KIF26B: variants seen among roughly 807,000 people sequenced by gnomAD.
The protein encoded by KIF26B is kinesin family member 26B, also known as kinesin-like protein KIF26B.
KIF26B carries 63 observed loss-of-function variants against 151.2 expected under a neutral mutation model. The ratio of observed to expected loss-of-function variants is 0.42; its 90% confidence interval spans 0.34 to 0.51. KIF26B has a LOEUF of 0.51. Among genes scored for constraint, KIF26B ranks in the 20% least tolerant of loss-of-function variants. The pLI is 0.07. For missense variants in KIF26B, 2,813 were observed against 2,913.6 expected (o/e 0.97, Z 0.79); for synonymous variants, 1,357 against 1,262.1 (o/e 1.08, Z -1.59).
In KIF26B at chr1:245,360,905, T is replaced by C. The variant is rs532597308; in HGVS notation, c.466-5929T>C. Reference sequence around the variant, plus strand: ...GGTGAACGCCTGTAGTCCCATCCACTTGGGAGGCTGAGGCAAGAGAATTGC... The same window carrying C: ...GGTGAACGCCTGTAGTCCCATCCACCTGGGAGGCTGAGGCAAGAGAATTGC... On this transcript the variant is annotated intron_variant, in intron 2 of 14. Coordinates refer to ENST00000407071, the MANE Select transcript of KIF26B (RefSeq NM_018012.4). 5.3e-5 allele frequency among the ~76,000 whole-genome samples: 8 copies of C among 152,172 alleles called. No individual in the cohort carries two copies. The South Asian group carries it at 1.7e-3, about 32-fold the overall frequency.
Position 245,540,821 on chromosome 1 carries a change from T to G in KIF26B, c.1221T>G (p.Thr407=). The G allele has an allele frequency of 6.2e-7, 1 of 1,614,026 alleles. No individual in the cohort carries two copies. The highest frequency in any genetic ancestry group is 8.5e-7 in the Non-Finnish European group (1 of 1,179,906). Residue 407 remains threonine (T), a synonymous_variant, in exon 5 of 15, where the codon ACT becomes ACG. Transcript: ENST00000407071. This position sits in a 1 kb window ranked among gnomAD's most constrained non-coding sequence, Gnocchi z 4.6. ...AAAAGAAGAAACATCGGCCTTCCAC[T>G]TCTTCCGCTGCCGAACCACCGCTCT... ...SSKKKKHRPS[T]SSAAEPPLFA...
chr1:245,399,817 A>G lies in KIF26B; in HGVS notation c.1000-19762A>G, dbSNP rs140317992. ...TATAATAACACATCAAGTAAAAACT[A>G]TGCCTAACACTCGCAGGCTATCATA... On this transcript the variant is annotated intron_variant, in intron 3 of 14. Coordinates refer to ENST00000407071, the MANE Select transcript of KIF26B (RefSeq NM_018012.4). Among the ~76,000 whole-genome samples the G allele has an allele frequency of 3.2e-3, 486 of 152,358 alleles. 4 individuals carry two copies. Among genetic ancestry groups the G allele is most frequent in the African/African-American group, 0.011 (460 of 41,590 alleles).
intron 3 of KIF26B, among the ~76,000 whole-genome samples, chr1:245,392,159 A>C (rs1673717605): frequency 6.6e-6 from 1 of 152,106 alleles, no homozygotes; most frequent in Admixed American, 6.5e-5. Flanking sequence ...GAAACGAAAG[A>C]GTTTGAGAAT....
intron 2 of KIF26B, among the ~76,000 whole-genome samples, chr1:245,282,284 C>T (rs1419130389): frequency 6.6e-6 from 1 of 152,132 alleles, no homozygotes; most frequent in Non-Finnish European, 1.5e-5. Flanking sequence ...CCCGCATTGC[C>T]AAGTCAATCC....
At chr1:245,534,041 T>C (rs1661436413) in intron 4 of KIF26B, among the ~76,000 whole-genome samples, 2 of 152,072 alleles carry the variant, frequency 1.3e-5, no homozygotes, top group Non-Finnish European at 2.9e-5. Flanking sequence ...GTGAGATGAG[T>C]GAGGCTATGG....
Position 245,358,768 on chromosome 1 carries a change from A to G in KIF26B, c.466-8066A>G, listed in dbSNP as rs528340960. On this transcript the variant is annotated intron_variant, in intron 2 of 14. Coordinates refer to ENST00000407071, the MANE Select transcript of KIF26B (RefSeq NM_018012.4). The surrounding 1 kb of genome is among the most constrained non-coding windows in gnomAD (Gnocchi z 4.1). ...GATGGGCTTCAGTCATTTGAAAGTA[A>G]TATTTTAGTGCATTCTAGTATAATC... Among the ~76,000 whole-genome samples the G allele has an allele frequency of 2.0e-5, 3 of 152,340 alleles. No individual in the cohort carries two copies. Among genetic ancestry groups the G allele is most frequent in the South Asian group, 2.1e-4 (1 of 4,824 alleles).
Position 245,685,431 on chromosome 1 carries a change from G to C in KIF26B, c.2448G>C (p.Glu816Asp), listed in dbSNP as rs2044497483. The C allele has an allele frequency of 1.2e-6, 2 of 1,612,820 alleles. No homozygotes were observed. The highest frequency in any genetic ancestry group is 1.7e-5 in the Admixed American group (1 of 59,938). ...ACACATCCAGCTCGTCCGGCGGGGA[G>C]AGCTCCTGCGAAGAAGGCCGCATGC... ...TKYTSSSSGG[E>D]SSCEEGRMRR... Residue 816 changes from glutamate to aspartate, a missense_variant, in exon 12 of 15, where the codon GAG becomes GAC. Transcript: ENST00000407071.
rs558829730 is a variant in KIF26B at position 245,593,769 on chromosome 1, C to G, written c.1351-8808C>G. Among the ~76,000 whole-genome samples, 130 of 152,306 alleles carry G rather than the reference C, an allele frequency of 8.5e-4. 1 individual carries two copies. The highest frequency in any genetic ancestry group is 3.0e-3 in the African/African-American group (125 of 41,572). ...CACACTGTCTTCCACAATGGTTGAA[C>G]TAATTTACACTCCCACCAAAAGTGT... On this transcript the variant is annotated intron_variant, in intron 5 of 14. Coordinates refer to ENST00000407071, the MANE Select transcript of KIF26B (RefSeq NM_018012.4).
At chr1:245,573,013 G>A (rs1345859685) in intron 5 of KIF26B, among the ~76,000 whole-genome samples, 1 of 152,114 alleles carries the variant, frequency 6.6e-6, no homozygotes, top group Non-Finnish European at 1.5e-5. Context: ...CAGAACCTGA[G>A]GAAGAATAAA....
intron 2 of KIF26B, among the ~76,000 whole-genome samples, chr1:245,355,067 C>T (rs1449922296): frequency 6.6e-6 from 1 of 152,102 alleles, no homozygotes; most frequent in Non-Finnish European, 1.5e-5. Flanking sequence ...GCTACAGGCA[C>T]CCACCACCAC....
At chr1:245,445,195 A>G (rs1659219299) in intron 4 of KIF26B, among the ~76,000 whole-genome samples, 1 of 152,220 alleles carries the variant, frequency 6.6e-6, no homozygotes, top group Non-Finnish European at 1.5e-5. Context: ...TTTGGAAAGC[A>G]TAGAATGAAA....
At chr1:245,557,860 C>G (rs1485265960) in intron 5 of KIF26B, among the ~76,000 whole-genome samples, 1 of 151,636 alleles carries the variant, frequency 6.6e-6, no homozygotes, top group Non-Finnish European at 1.5e-5. Context: ...AACAGCCCTC[C>G]AAGCTCAAAT....
chr1:245,169,594 C>A (rs561231708), intron 2 of KIF26B, among the ~76,000 whole-genome samples: 2 of 40,994 alleles, frequency 4.9e-5, no homozygotes, highest in East Asian at 4.1e-3. Context: ...CCCATGATGG[C>A]TTTACAAGCA....
intron 2 of KIF26B, among the ~76,000 whole-genome samples, chr1:245,342,642 C>CA (rs1373434022): frequency 6.6e-6 from 1 of 152,114 alleles, no homozygotes; most frequent in Admixed American, 6.5e-5. Context: ...CTGAGCAATC[C>CA]AGTCTGGTTT....
intron 2 of KIF26B, among the ~76,000 whole-genome samples, chr1:245,232,965 G>A (rs1558355307): frequency 6.6e-6 from 1 of 152,314 alleles, no homozygotes; most frequent in East Asian, 1.9e-4. Context: ...AGCACACGAG[G>A]CAGCCATTAC....
In KIF26B at chr1:245,699,721, T is replaced by G. The variant is rs546200277; in HGVS notation, c.6178+684T>G. Among the ~76,000 whole-genome samples, 23 of 152,304 alleles carry G rather than the reference T, an allele frequency of 1.5e-4. No individual in the cohort carries two copies. The South Asian group carries it at 3.3e-3, about 22-fold the overall frequency. On this transcript the variant is annotated intron_variant, in intron 14 of 14. Coordinates refer to ENST00000407071, the MANE Select transcript of KIF26B (RefSeq NM_018012.4). ...AGCTAATGCTGGAAGACTCAGTCTG[T>G]GGGGTGAAATACATTCCTGCCATTC...
chr1:245,479,091 G>A (rs1282207780), intron 4 of KIF26B, among the ~76,000 whole-genome samples: 2 of 151,680 alleles, frequency 1.3e-5, no homozygotes, highest in African/African-American at 4.8e-5. Context: ...GTCCAGCAGA[G>A]GGCTGGATGG....
chr1:245,411,419 G>A (rs901717939), intron 3 of KIF26B, among the ~76,000 whole-genome samples: 9 of 152,228 alleles, frequency 5.9e-5, no homozygotes, highest in African/African-American at 2.2e-4. Flanking sequence ...CACAGACGCT[G>A]CAGAAGAGGA....
At chr1:245,267,447 C>G (rs1670766552) in intron 2 of KIF26B, among the ~76,000 whole-genome samples, 1 of 152,108 alleles carries the variant, frequency 6.6e-6, no homozygotes, top group African/African-American at 2.4e-5. Flanking sequence ...CTGTGAGTGC[C>G]CTTTCTCAGT....
Sources: gnomAD v4.1 joint callset for allele counts (sites outside exome capture counted in the v4.1 genomes callset) on GRCh38, gnomAD v4.1.1 for gene constraint, Gnocchi (gnomAD v3.1) non-coding constraint, MANE v1.5 for transcripts, NCBI Gene and HGNC (gene_info 2026-07-23, HGNC 2026-07-21) for gene names.